The following TRAPPC5 variants were observed in gnomAD, a reference collection of about 807,000 sequenced individuals.
TRAPPC5 encodes trafficking protein particle complex subunit 5.
In TRAPPC5, 5 loss-of-function variants were observed where a neutral mutation model predicts 9.8. The observed-to-expected ratio is 0.51, with a 90% CI of 0.27 to 1.07. The LOEUF (loss-of-function observed/expected upper bound fraction) is 1.07. Ranked by LOEUF, TRAPPC5 falls within the 50% of genes least tolerant of loss-of-function variation. TRAPPC5 has a pLI of 0.12. For missense variants in TRAPPC5, 243 were observed against 291.5 expected (o/e 0.83, Z 1.21); for synonymous variants, 146 against 140.7 (o/e 1.04, Z -0.26).
At position 7,682,368 on chromosome 19, in the gene TRAPPC5, C is replaced by A. The variant is rs867919406; in HGVS notation, c.115C>A (p.His39Asn). The change falls in exon 2 of 2, where the codon CAC (histidine) becomes AAC (asparagine). Residue 39 changes from histidine to asparagine, a missense_variant. Physicochemically the swap from His to Asn is moderately conservative, Grantham distance 68 (BLOSUM62 1). Around this residue, in one of 2 missense-constraint regions of TRAPPC5, gnomAD observed 89 missense variants for 75.7 expected, o/e 1.18. Transcript: ENST00000596148. This position sits in a 1 kb window ranked among gnomAD's most constrained non-coding sequence, Gnocchi z 8.6. Reference sequence around the variant, plus strand: ...ACTGCTGTTCTCCGAGCTGGTACAGCACTGCCAGAGCCGCGTCTTCTCCGT... The same window carrying A: ...ACTGCTGTTCTCCGAGCTGGTACAGAACTGCCAGAGCCGCGTCTTCTCCGT... ...FALLFSELVQ[H>N]CQSRVFSVAE... 1 of 1,566,660 alleles carries A rather than the reference C, an allele frequency of 6.4e-7. No homozygotes were observed. Among genetic ancestry groups the A allele is most frequent in the South Asian group, 1.2e-5 (1 of 85,982 alleles).
Position 7,685,907 on chromosome 19 carries a change from C to T in TRAPPC5, c.*3087C>T, listed in dbSNP as rs1484494297. On this transcript the variant is annotated 3_prime_UTR_variant, in exon 2 of 2. Transcript: ENST00000596148. ...TGGGCGTCTGCACAGACACAGAAAC[C>T]ACAGTCCTGGATGGGGGACGGAGGG... is the stretch of plus-strand genomic sequence containing the variant. 6.6e-6 allele frequency: 1 copy of T among 152,378 alleles called. No individual in the cohort carries two copies. Among genetic ancestry groups the T allele is most frequent in the Non-Finnish European group, 1.5e-5 (1 of 68,280 alleles). 9.4% of individuals were successfully genotyped at this position (152,378 alleles called of 1,614,324 possible). A position where few individuals can be genotyped will look rare whatever the true frequency, so the allele number is the denominator to read the frequency against.
rs975860912 is a variant in TRAPPC5 at position 7,683,422 on chromosome 19, G to T, written c.*602G>T. 1 of 152,654 alleles carries T rather than the reference G, an allele frequency of 6.6e-6. No individual in the cohort carries two copies. Among genetic ancestry groups the T allele is most frequent in the African/African-American group, 2.4e-5 (1 of 41,350 alleles). 9.5% of individuals were successfully genotyped at this position (152,654 alleles called of 1,614,324 possible). A position where few individuals can be genotyped will look rare whatever the true frequency, so the allele number is the denominator to read the frequency against. On this transcript the variant is annotated 3_prime_UTR_variant, in exon 2 of 2. Coordinates refer to ENST00000596148, the MANE Select transcript of TRAPPC5 (RefSeq NM_001042462.2). ...TTTAGTAGAGATGGGGTTTCACCATGTTGGTCAGGCTGGTCTCGAACTCCT... is the reference window on the plus strand; with the variant it reads ...TTTAGTAGAGATGGGGTTTCACCATTTTGGTCAGGCTGGTCTCGAACTCCT...
rs1479964649 is a variant in TRAPPC5, at chr19:7,681,380, T to C, written c.-13+502T>C. Among the ~76,000 whole-genome samples, 3 of 151,798 alleles carry C rather than the reference T, an allele frequency of 2.0e-5. No homozygotes were observed. Among genetic ancestry groups the C allele is most frequent in the Non-Finnish European group, 4.4e-5 (3 of 67,910 alleles). ...ACCCCATTTCTCTTCAGGAGCCCCC[T>C]ACCCCATCTCCCTCTCCCCGCACCG... is the stretch of plus-strand genomic sequence containing the variant. On this transcript the variant is annotated intron_variant, in intron 1 of 1. Coordinates refer to ENST00000596148, the MANE Select transcript of TRAPPC5 (RefSeq NM_001042462.2). The surrounding 1 kb of genome is among the most constrained non-coding windows in gnomAD (Gnocchi z 8.7).
chr19:7,687,404 C>G lies in TRAPPC5; in HGVS notation c.*4584C>G, dbSNP rs552463139. ...ACCTTGGCCGAGCGTGAGGCTGGTG[C>G]CACCTCAGCCTCCCAGACCCTGAGT... On this transcript the variant is annotated 3_prime_UTR_variant, in exon 2 of 2. Transcript: ENST00000596148. The G allele has an allele frequency of 4.6e-5, 7 of 152,514 alleles. No homozygotes were observed. The highest frequency in any genetic ancestry group is 2.6e-4 in the Admixed American group (4 of 15,298). The allele number at this position is 152,514 out of a possible 1,614,324, so 9.4% of individuals were successfully genotyped here.
rs1192138123 is a variant in TRAPPC5, at chr19:7,682,739, G to A, written c.486G>A (p.Ala162=). Residue 162 remains alanine (A), a synonymous_variant, in exon 2 of 2, where the codon GCG becomes GCA. Coordinates refer to ENST00000596148, the MANE Select transcript of TRAPPC5 (RefSeq NM_001042462.2). The surrounding 1 kb of genome is among the most constrained non-coding windows in gnomAD (Gnocchi z 8.6). The stretch of plus-strand genomic sequence containing the variant: ...GCGGCTTCCCTGCCAAGGTCACGGC[G>A]CACTGGCACAAGGGCACCACGCTCA... The part of the protein sequence containing the change: ...THSGFPAKVT[A]HWHKGTTLMI... 10 of 1,611,772 alleles carry A rather than the reference G, an allele frequency of 6.2e-6. No homozygotes were observed. Among genetic ancestry groups the A allele is most frequent in the Admixed American group, 5.0e-5 (3 of 59,760 alleles).
Position 7,682,817 on chromosome 19 carries a change from C to A in TRAPPC5, c.564C>A (p.Arg188=). The part of the protein sequence containing the change: ...VIARDRALEG[R] ...CTCGAGACCGGGCCCTGGAGGGCCG[C>A]TGACCCTGCCGGAGATAAAGGATAC... The change falls in exon 2 of 2, where the codon CGC becomes CGA. Residue 188 remains arginine, a synonymous_variant. Coordinates refer to ENST00000596148, the MANE Select transcript of TRAPPC5 (RefSeq NM_001042462.2). The surrounding 1 kb of genome is among the most constrained non-coding windows in gnomAD (Gnocchi z 8.6). The A allele has an allele frequency of 6.3e-7, 1 of 1,587,616 alleles. No homozygotes were observed. The highest frequency in any genetic ancestry group is 8.6e-7 in the Non-Finnish European group (1 of 1,164,922).
rs2032635103 is a variant in TRAPPC5 at position 7,681,516 on chromosome 19, A to T, written c.-13+638A>T. Among the ~76,000 whole-genome samples, 2 of 151,884 alleles carry T rather than the reference A, an allele frequency of 1.3e-5. No homozygotes were observed. The highest frequency in any genetic ancestry group is 2.9e-5 in the Non-Finnish European group (2 of 67,956). On this transcript the variant is annotated intron_variant, in intron 1 of 1. Transcript: ENST00000596148. The surrounding 1 kb of genome is among the most constrained non-coding windows in gnomAD (Gnocchi z 8.7). ...CCCCTCCTCCCAGCCTTCAGAACCC[A>T]GGCCCATCCGCGTCTCAAAGGACGA... is the stretch of plus-strand genomic sequence containing the variant.
rs2032642538 is a variant in TRAPPC5 at position 7,681,874 on chromosome 19, C to T, written c.-12-368C>T. 6.6e-6 allele frequency among the ~76,000 whole-genome samples: 1 copy of T among 152,154 alleles called. No homozygotes were observed. The highest frequency in any genetic ancestry group is 6.5e-5 in the Admixed American group (1 of 15,282). On this transcript the variant is annotated intron_variant, in intron 1 of 1. Coordinates refer to ENST00000596148, the MANE Select transcript of TRAPPC5 (RefSeq NM_001042462.2). This position sits in a 1 kb window ranked among gnomAD's most constrained non-coding sequence, Gnocchi z 8.7. ...CCCCCATACACTAGTTTTCTAGTTA[C>T]TCCTGTAGGTGGCGGAGCGGGCAGG...
In TRAPPC5 at chr19:7,683,801, C is replaced by T. The variant is rs2032683340; in HGVS notation, c.*981C>T. The T allele has an allele frequency of 6.6e-6, 1 of 152,194 alleles. No homozygotes were observed. The highest frequency in any genetic ancestry group is 2.4e-5 in the African/African-American group (1 of 41,402). 9.4% of individuals were successfully genotyped at this position (152,194 alleles called of 1,614,324 possible). ...TAGCTGGAACTACAGGTGCCCACCA[C>T]CACACCTGGCTAATTTTTCGTATTT... On this transcript the variant is annotated 3_prime_UTR_variant, in exon 2 of 2. Coordinates refer to ENST00000596148, the MANE Select transcript of TRAPPC5 (RefSeq NM_001042462.2).
chr19:7,685,115 C>T lies in TRAPPC5; in HGVS notation c.*2295C>T, dbSNP rs893697129. 3 of 151,922 alleles carry T rather than the reference C, an allele frequency of 2.0e-5. No individual in the cohort carries two copies. The highest frequency in any genetic ancestry group is 7.3e-5 in the African/African-American group (3 of 41,318). 9.4% of individuals were successfully genotyped at this position (151,922 alleles called of 1,614,324 possible). The stretch of plus-strand genomic sequence containing the variant: ...GCAAAACCCATCTTTACTAAAAATA[C>T]AAAAATTAGCTGGGCGTGGTGGCAG... On this transcript the variant is annotated 3_prime_UTR_variant, in exon 2 of 2. Coordinates refer to ENST00000596148, the MANE Select transcript of TRAPPC5 (RefSeq NM_001042462.2).
rs547140331 is a variant in TRAPPC5 at position 7,682,160 on chromosome 19, C to T, written c.-12-82C>T. The T allele has an allele frequency of 1.2e-4, 141 of 1,190,670 alleles. 2 individuals are homozygous for T. The African/African-American group carries it at 1.8e-3, about 15-fold the overall frequency. 73.8% of individuals were successfully genotyped at this position (1,190,670 alleles called of 1,614,324 possible). The stretch of plus-strand genomic sequence containing the variant: ...CATGGGTCGAGGGTGTCCCAGGGCC[C>T]CTCGCGGTTCTCCCTCCTTTCCTCC... On this transcript the variant is annotated intron_variant, in intron 1 of 1. Coordinates refer to ENST00000596148, the MANE Select transcript of TRAPPC5 (RefSeq NM_001042462.2). The surrounding 1 kb of genome is among the most constrained non-coding windows in gnomAD (Gnocchi z 8.6).
chr19:7,682,144 A>C lies in TRAPPC5; in HGVS notation c.-12-98A>C. On this transcript the variant is annotated intron_variant, in intron 1 of 1. Transcript: ENST00000596148. This position sits in a 1 kb window ranked among gnomAD's most constrained non-coding sequence, Gnocchi z 8.6. ...GAGCACACAACAGTGGCATGGGTCG[A>C]GGGTGTCCCAGGGCCCCTCGCGGTT... 1 of 1,012,992 alleles carries C rather than the reference A, an allele frequency of 9.9e-7. No individual in the cohort carries two copies. The highest frequency in any genetic ancestry group is 1.3e-6 in the Non-Finnish European group (1 of 744,842). 62.8% of individuals were successfully genotyped at this position (1,012,992 alleles called of 1,614,324 possible).
In TRAPPC5 at chr19:7,686,923, T is replaced by C. The variant is rs35954420; in HGVS notation, c.*4103T>C. ...GCCTCCCAAGCAGCTGGGACCAAGTTGCCCATCACTACACCTCTAGTTTTT... is the reference window on the plus strand; with the variant it reads ...GCCTCCCAAGCAGCTGGGACCAAGTCGCCCATCACTACACCTCTAGTTTTT... On this transcript the variant is annotated 3_prime_UTR_variant, in exon 2 of 2. Transcript: ENST00000596148. The C allele has an allele frequency of 0.068, 10,306 of 151,878 alleles. 385 individuals are homozygous for C. The highest frequency in any genetic ancestry group is 0.082 in the Non-Finnish European group (5,581 of 67,956). 9.4% of individuals were successfully genotyped at this position (151,878 alleles called of 1,614,324 possible).
chr19:7,681,419 G>A lies in TRAPPC5; in HGVS notation c.-13+541G>A, dbSNP rs1346492696. Among the ~76,000 whole-genome samples the A allele has an allele frequency of 6.6e-6, 1 of 152,174 alleles. No individual in the cohort carries two copies. The highest frequency in any genetic ancestry group is 2.4e-5 in the African/African-American group (1 of 41,434). On this transcript the variant is annotated intron_variant, in intron 1 of 1. Transcript: ENST00000596148. The surrounding 1 kb of genome is among the most constrained non-coding windows in gnomAD (Gnocchi z 8.7). ...CTCCCCGCACCGACAGCTGATGGGAGGACCACAGTTGCTCAGCATCCAGCT... is the reference window on the plus strand; with the variant it reads ...CTCCCCGCACCGACAGCTGATGGGAAGACCACAGTTGCTCAGCATCCAGCT...
chr19:7,681,889 G>T lies in TRAPPC5; in HGVS notation c.-12-353G>T, dbSNP rs1195488955. 6.6e-6 allele frequency among the ~76,000 whole-genome samples: 1 copy of T among 152,078 alleles called. No homozygotes were observed. Among genetic ancestry groups the T allele is most frequent in the Non-Finnish European group, 1.5e-5 (1 of 68,012 alleles). On this transcript the variant is annotated intron_variant, in intron 1 of 1. Transcript: ENST00000596148. The surrounding 1 kb of genome is among the most constrained non-coding windows in gnomAD (Gnocchi z 8.7). Reference sequence around the variant, plus strand: ...TTTCTAGTTACTCCTGTAGGTGGCGGAGCGGGCAGGAAGGCGCTTTCGCAA... The same window carrying T: ...TTTCTAGTTACTCCTGTAGGTGGCGTAGCGGGCAGGAAGGCGCTTTCGCAA...
In TRAPPC5 at chr19:7,687,231, A is replaced by G. The variant is rs73921517; in HGVS notation, c.*4411A>G. On this transcript the variant is annotated 3_prime_UTR_variant, in exon 2 of 2. Transcript: ENST00000596148. ...CCGTTTGACAGCAGAGCCCACTGGCATTTCTTATGGTCTTGGACCTGGAGG... is the reference window on the plus strand; with the variant it reads ...CCGTTTGACAGCAGAGCCCACTGGCGTTTCTTATGGTCTTGGACCTGGAGG... 0.067 allele frequency: 10,152 copies of G among 152,584 alleles called. 378 individuals carry two copies. The highest frequency in any genetic ancestry group is 0.082 in the Non-Finnish European group (5,597 of 68,220). The allele number at this position is 152,584 out of a possible 1,614,324, so 9.5% of individuals were successfully genotyped here.
Position 7,682,902 on chromosome 19 carries a change from A to C in TRAPPC5, c.*82A>C, listed in dbSNP as rs1599426140. The C allele has an allele frequency of 1.4e-6, 2 of 1,415,712 alleles. No individual in the cohort carries two copies. Among genetic ancestry groups the C allele is most frequent in the East Asian group, 5.0e-5 (2 of 39,884 alleles). The allele number at this position is 1,415,712 out of a possible 1,614,324, so 87.7% of individuals were successfully genotyped here. A position where few individuals can be genotyped will look rare whatever the true frequency, so the allele number is the denominator to read the frequency against. On this transcript the variant is annotated 3_prime_UTR_variant, in exon 2 of 2. Transcript: ENST00000596148. This position sits in a 1 kb window ranked among gnomAD's most constrained non-coding sequence, Gnocchi z 8.6. Reference sequence around the variant, plus strand: ...TGTGGCGGCCTTAGATCCACTCAGTACCTTGAGCCACAGCCCTGCCCCAGG... The same window carrying C: ...TGTGGCGGCCTTAGATCCACTCAGTCCCTTGAGCCACAGCCCTGCCCCAGG...
Position 7,683,068 on chromosome 19 carries a change from T to G in TRAPPC5, c.*248T>G, listed in dbSNP as rs1599426266. The G allele has an allele frequency of 1.8e-6, 1 of 541,388 alleles. No individual in the cohort carries two copies. Among genetic ancestry groups the G allele is most frequent in the East Asian group, 3.1e-5 (1 of 32,198 alleles). The allele number at this position is 541,388 out of a possible 1,614,324, so 33.5% of individuals were successfully genotyped here. On this transcript the variant is annotated 3_prime_UTR_variant, in exon 2 of 2. Coordinates refer to ENST00000596148, the MANE Select transcript of TRAPPC5 (RefSeq NM_001042462.2). The stretch of plus-strand genomic sequence containing the variant: ...GGAGTTGGTGGGAAATGCTGGCAGG[T>G]TCTGGAATCACGGTTGGAGGCTGTC...
rs1441161718 is a variant in TRAPPC5 at position 7,682,340 on chromosome 19, C to T, written c.87C>T (p.Phe29=). The stretch of plus-strand genomic sequence containing the variant: ...GCACCGAGGTGAGCCTGAGCGCCTT[C>T]GCACTGCTGTTCTCCGAGCTGGTAC... ...RPRTEVSLSA[F]ALLFSELVQH... Residue 29 remains phenylalanine, a synonymous_variant, in exon 2 of 2, where the codon TTC becomes TTT. Coordinates refer to ENST00000596148, the MANE Select transcript of TRAPPC5 (RefSeq NM_001042462.2). The surrounding 1 kb of genome is among the most constrained non-coding windows in gnomAD (Gnocchi z 8.6). 7 of 1,555,466 alleles carry T rather than the reference C, an allele frequency of 4.5e-6. No homozygotes were observed. The highest frequency in any genetic ancestry group is 2.8e-5 in the African/African-American group (2 of 72,486).
Sources: gnomAD v4.1 joint callset for allele counts (sites outside exome capture counted in the v4.1 genomes callset) on GRCh38, gnomAD v4.1.1 for gene constraint, gnomAD v4.1.1 regional missense constraint, Gnocchi (gnomAD v3.1) non-coding constraint, MANE v1.5 for transcripts, NCBI Gene and HGNC (gene_info 2026-07-23, HGNC 2026-07-21) for gene names.